Variants in BACE2 observed in about 807,000 individuals in gnomAD.
The protein encoded by BACE2 is beta-secretase 2.
BACE2 carries 17 observed loss-of-function variants against 46.2 expected under a neutral mutation model. The observed-to-expected ratio is 0.37, with a 90% CI of 0.25 to 0.55. The LOEUF is 0.55. BACE2 is among the 20% of genes least tolerant of loss of function. The pLI, the probability that BACE2 is intolerant of heterozygous loss-of-function variation, is 0.82. For synonymous variants in BACE2, 277 were observed against 295.9 expected (o/e 0.94, Z 0.66); for missense variants, 595 against 698.1 (o/e 0.85, Z 1.66).
intron 5 of BACE2, among the ~76,000 whole-genome samples, chr21:41,244,337 T>C (rs997512354): frequency 1.3e-5 from 2 of 152,088 alleles, no homozygotes; most frequent in African/African-American, 4.8e-5. Flanking sequence ...TTCACCTGGG[T>C]GCAGGTGGGC....
chr21:41,175,122 C>A (rs576804093), intron 1 of BACE2: 2 of 152,182 alleles, frequency 1.3e-5, no homozygotes, highest in African/African-American at 4.8e-5. Context: ...TCTTAGAATT[C>A]TCAAAAGAAG....
chr21:41,257,363 A>T, intron 8 of BACE2, 37 bp downstream of exon 8: 1 of 1,605,752 alleles, frequency 6.2e-7, no homozygotes, highest in South Asian at 1.1e-5. Context: ...ATCCCCGACA[A>T]GAGTCCTTTA....
chr21:41,244,655 G>A (rs1040936556), intron 5 of BACE2, among the ~76,000 whole-genome samples: 6 of 152,232 alleles, frequency 3.9e-5, no homozygotes, highest in South Asian at 2.1e-4. Flanking sequence ...CCATCTGGAC[G>A]TATAGGTGCA....
intron 1 of BACE2, among the ~76,000 whole-genome samples, chr21:41,174,217 A>G (rs1780286745): frequency 7.4e-6 from 1 of 135,290 alleles, no homozygotes; most frequent in African/African-American, 2.9e-5. Context: ...ATCTTGGCTC[A>G]CTGCAACCTC....
chr21:41,190,767 C>T (rs1225860254), intron 1 of BACE2, among the ~76,000 whole-genome samples: 3 of 152,150 alleles, frequency 2.0e-5, no homozygotes, highest in Non-Finnish European at 2.9e-5. Context: ...TAATGGATCT[C>T]CTGTATTCCA....
At chr21:41,214,316 G>T (rs539995083) in intron 1 of BACE2, among the ~76,000 whole-genome samples, 86 of 152,288 alleles carry the variant, frequency 5.6e-4, no homozygotes, top group African/African-American at 1.9e-3. Context: ...TTCTCAAAGG[G>T]CTTGTGACAC....
chr21:41,168,733 C>G (rs1017544170), intron 1 of BACE2, among the ~76,000 whole-genome samples, 158 bp downstream of exon 1: 2 of 151,992 alleles, frequency 1.3e-5, no homozygotes, highest in African/African-American at 4.8e-5. Context: ...GGCCGGGGAG[C>G]GGGGGCGCTC....
At chr21:41,257,061 G>A (rs1203121758) in intron 7 of BACE2, 97 bp from the exon 8 acceptor site, 1 of 1,410,714 alleles carries the variant, frequency 7.1e-7, no homozygotes, top group African/African-American at 1.4e-5. Flanking sequence ...CCAGCGCCTG[G>A]GAGGGTCCTG....
At chr21:41,256,113 T>C (rs1987780906) in intron 7 of BACE2, among the ~76,000 whole-genome samples, 1 of 152,150 alleles carries the variant, frequency 6.6e-6, no homozygotes, top group African/African-American at 2.4e-5. Context: ...ATATATACTT[T>C]AAGTTCTGGG....
At chr21:41,185,918 CA>C (rs1985358469) in intron 1 of BACE2, among the ~76,000 whole-genome samples, 1 of 152,172 alleles carries the variant, frequency 6.6e-6, no homozygotes, top group African/African-American at 2.4e-5. Context: ...AACAATTGCC[CA>C]AATACAATTA....
rs942152442 is a variant in BACE2, at chr21:41,275,952, G to A, written c.*328G>A. The A allele has an allele frequency of 2.1e-5, 6 of 289,132 alleles. No homozygotes were observed. The highest frequency in any genetic ancestry group is 6.3e-5 in the South Asian group (1 of 15,956). The allele number at this position is 289,132 out of a possible 1,614,324, so 17.9% of individuals were successfully genotyped here. On this transcript the variant is annotated 3_prime_UTR_variant, in exon 9 of 9. Coordinates refer to ENST00000330333, the MANE Select transcript of BACE2 (RefSeq NM_012105.5). ...ATAAAACAAAACCAAGCCTTGGCTC[G>A]TTCTCTTCTCTCTTCAATCTCTGGA...
chr21:41,224,455 C>T (rs1986750044), intron 1 of BACE2, among the ~76,000 whole-genome samples: 1 of 152,142 alleles, frequency 6.6e-6, no homozygotes, highest in South Asian at 2.1e-4. Flanking sequence ...TCCCAAAGTG[C>T]TGGGATTACA....
chr21:41,280,125 C>T lies in BACE2; in HGVS notation c.*4501C>T, dbSNP rs200732010. On this transcript the variant is annotated 3_prime_UTR_variant, in exon 9 of 9. Transcript: ENST00000330333. ...GTAAAACACGTCTGTCCTAATCAAA[C>T]TAGAGATGCCTCAAGGCCCACGCAG... 7 of 152,406 alleles carry T rather than the reference C, an allele frequency of 4.6e-5. No homozygotes were observed. The East Asian group carries it at 1.2e-3, about 25-fold the overall frequency. The allele number at this position is 152,406 out of a possible 1,614,324, so 9.4% of individuals were successfully genotyped here.
intron 2 of BACE2, among the ~76,000 whole-genome samples, chr21:41,232,631 GC>G (rs1051931654): frequency 6.6e-6 from 1 of 151,994 alleles, no homozygotes; most frequent in Admixed American, 6.6e-5. Context: ...GTTTAAAGGA[GC>G]CAGGCACCTC....
intron 1 of BACE2, among the ~76,000 whole-genome samples, chr21:41,203,507 A>G (rs113714978): frequency 1.3e-5 from 2 of 152,168 alleles, no homozygotes; most frequent in Middle Eastern, 3.4e-3. Context: ...GCTATTGTTG[A>G]GAGTTGCCTG....
chr21:41,173,126 A>G (rs576293462), intron 1 of BACE2, among the ~76,000 whole-genome samples: 7 of 152,366 alleles, frequency 4.6e-5, no homozygotes, highest in African/African-American at 1.7e-4. Context: ...TTAAGTTCAC[A>G]GGTACCGGAG....
chr21:41,258,158 T>G (rs967242301), intron 8 of BACE2, among the ~76,000 whole-genome samples: 1 of 151,992 alleles, frequency 6.6e-6, no homozygotes. Context: ...AAAAAAATGG[T>G]ACATTGGGTT....
At chr21:41,250,280 C>T (rs1435780306) in intron 6 of BACE2, among the ~76,000 whole-genome samples, 1 of 152,188 alleles carries the variant, frequency 6.6e-6, no homozygotes, top group Non-Finnish European at 1.5e-5. Flanking sequence ...CCACCCTAGG[C>T]TCTGCACCAG....
rs1397695244 is a variant in BACE2 at position 41,174,138 on chromosome 21, CCTT to C, written c.312+5564_312+5566del. Among the ~76,000 whole-genome samples, 117 of 70,638 alleles carry C rather than the reference CCTT, an allele frequency of 1.7e-3. 7 individuals carry two copies. Among genetic ancestry groups the C allele is most frequent in the African/African-American group, 7.5e-3 (79 of 10,554 alleles). 46.3% of individuals were successfully genotyped at this position (70,638 alleles called of 152,430 possible). A position where few individuals can be genotyped will look rare whatever the true frequency, so the allele number is the denominator to read the frequency against. On this transcript the variant is annotated intron_variant, in intron 1 of 8. Coordinates refer to ENST00000330333, the MANE Select transcript of BACE2 (RefSeq NM_012105.5). ...TAAGGATAGCTGTTGTGATCAGTGG[CCTT>C]TTTTTTTTTTTTTTTTTTTTTTTAA...
Sources: gnomAD v4.1 joint callset for allele counts (sites outside exome capture counted in the v4.1 genomes callset) on GRCh38, gnomAD v4.1.1 for gene constraint, MANE v1.5 for transcripts, NCBI Gene and HGNC (gene_info 2026-07-23, HGNC 2026-07-21) for gene names.